The following GAST variants were observed in gnomAD, a reference collection of about 807,000 sequenced individuals.
GAST encodes preprogastrin.
Under a neutral mutation model 12.5 loss-of-function variants are expected in GAST, and 9 were observed. That is an observed-to-expected ratio of 0.72 (90% confidence interval 0.43 to 1.25). The LOEUF is 1.25. GAST is among the 50% of genes most tolerant of loss of function. The pLI, the probability that GAST is intolerant of heterozygous loss-of-function variation, is 0.00. For synonymous variants in GAST, 52 were observed against 51.1 expected (o/e 1.02, Z -0.08); for missense variants, 121 against 127.7 (o/e 0.95, Z 0.25).
intron 2 of GAST, 36 bp from the exon 3 acceptor site, chr17:41,715,742 A>G (rs1555585834): frequency 2.5e-6 from 4 of 1,588,460 alleles, no homozygotes; most frequent in Admixed American, 1.8e-5. Flanking sequence ...GAAGGTAGGC[A>G]TCCTTCCCCC....
intron 1 of GAST, among the ~76,000 whole-genome samples, chr17:41,713,414 G>A (rs1207635565): frequency 1.3e-5 from 2 of 152,122 alleles, no homozygotes; most frequent in Admixed American, 6.5e-5. Context: ...TTAATGGCCA[G>A]GCACCGTGGC....
chr17:41,713,167 T>A (rs1251114288), intron 1 of GAST, among the ~76,000 whole-genome samples: 4 of 152,078 alleles, frequency 2.6e-5, no homozygotes, highest in Non-Finnish European at 5.9e-5. Context: ...TCCAACCCCC[T>A]CAGCCTCCCA....
In GAST at chr17:41,715,613, G is replaced by T. The variant is rs782159860; in HGVS notation, c.177G>T (p.Gln59His). 1 of 1,613,686 alleles carries T rather than the reference G, an allele frequency of 6.2e-7. No individual in the cohort carries two copies. Among genetic ancestry groups the T allele is most frequent in the East Asian group, 2.2e-5 (1 of 44,880 alleles). The change falls in exon 2 of 3, where the codon CAG becomes CAT. Residue 59 changes from glutamine (Q) to histidine (H), a missense_variant. Gln to His is a conservative substitution (Grantham distance 24, BLOSUM62 0). Coordinates refer to ENST00000329402, the MANE Select transcript of GAST (RefSeq NM_000805.5). ...QQGPASHHRRQLGPQGPPHLV... is the reference protein window; with the variant it reads ...QQGPASHHRRHLGPQGPPHLV... ...GCCCAGCCTCTCATCATCGAAGGCAGCTGGGACCCCAGGGTCCCCCACACC... is the reference window on the plus strand; with the variant it reads ...GCCCAGCCTCTCATCATCGAAGGCATCTGGGACCCCAGGGTCCCCCACACC...
At chr17:41,713,598 G>A (rs1910906693) in intron 1 of GAST, among the ~76,000 whole-genome samples, 1 of 152,168 alleles carries the variant, frequency 6.6e-6, no homozygotes, top group Admixed American at 6.5e-5. Context: ...TCAGGAGGCT[G>A]AGGTGGGAGG....
intron 1 of GAST, among the ~76,000 whole-genome samples, chr17:41,712,886 C>T (rs538991372): frequency 4.6e-5 from 7 of 152,210 alleles, no homozygotes; most frequent in South Asian, 4.1e-4. Context: ...CCACTAGCCA[C>T]GTGTGCGCTT....
chr17:41,715,803 G>T lies in GAST; in HGVS notation c.237G>T (p.Trp79Cys), dbSNP rs1337237028. 2.5e-6 allele frequency: 4 copies of T among 1,611,588 alleles called. No homozygotes were observed. The highest frequency in any genetic ancestry group is 3.4e-6 in the Non-Finnish European group (4 of 1,179,280). The change falls in exon 3 of 3, where the codon TGG becomes TGT. Residue 79 changes from tryptophan to cysteine, a missense_variant. Physicochemically the swap from Trp to Cys is radical, Grantham distance 215 (BLOSUM62 -2). Coordinates refer to ENST00000329402, the MANE Select transcript of GAST (RefSeq NM_000805.5). ...ACCCGTCCAAGAAGCAGGGACCATG[G>T]CTGGAGGAAGAAGAAGAAGCCTATG... The part of the protein sequence containing the change: ...VADPSKKQGP[W>C]LEEEEEAYGW...
intron 1 of GAST, among the ~76,000 whole-genome samples, chr17:41,714,267 G>A (rs142805597): frequency 1.7e-3 from 258 of 152,164 alleles, no homozygotes; most frequent in Non-Finnish European, 3.1e-3. Flanking sequence ...CCACCTCCCC[G>A]GTTCAAGCGA....
At chr17:41,712,883 C>A (rs74347421) in intron 1 of GAST, among the ~76,000 whole-genome samples, 3,659 of 152,184 alleles carry the variant, frequency 0.024, 147 homozygotes, top group African/African-American at 0.083. Context: ...TAGCCACTAG[C>A]CACGTGTGCG....
At chr17:41,714,504 G>C (rs1910924284) in intron 1 of GAST, among the ~76,000 whole-genome samples, 1 of 152,062 alleles carries the variant, frequency 6.6e-6, no homozygotes, top group Admixed American at 6.6e-5. Flanking sequence ...GAGCACAGTG[G>C]CTCACATCTG....
At position 41,715,460 on chromosome 17, in the gene GAST, G is replaced by T. The variant is rs1567773795; in HGVS notation, c.24G>T (p.Val8=). Residue 8 remains valine (V), a synonymous_variant, in exon 2 of 3, where the codon GTG becomes GTT. Coordinates refer to ENST00000329402, the MANE Select transcript of GAST (RefSeq NM_000805.5). ...AGATGCAGCGACTGTGTGTGTATGT[G>T]CTGATCTTTGCACTGGCTCTGGCCG... MQRLCVY[V]LIFALALAAF... 6.2e-7 allele frequency: 1 copy of T among 1,613,908 alleles called. No homozygotes were observed.
At chr17:41,713,874 TTA>T (rs1411986965) in intron 1 of GAST, among the ~76,000 whole-genome samples, 1 of 152,216 alleles carries the variant, frequency 6.6e-6, no homozygotes, top group South Asian at 2.1e-4. Context: ...CATTTGAATT[TTA>T]TGTTTGTTTG....
chr17:41,715,378 G>T, intron 1 of GAST, 54 bp from the exon 2 acceptor site: 1 of 1,399,078 alleles, frequency 7.1e-7, no homozygotes, highest in Non-Finnish European at 1.0e-6. Flanking sequence ...CCCTGCCTCT[G>T]GGCCTCTGTG....
chr17:41,715,720 CT>C, intron 2 of GAST, 57 bp from the exon 3 acceptor site: 1 of 1,597,070 alleles, frequency 6.3e-7, no homozygotes, highest in South Asian at 1.1e-5. Context: ...CTGGCTCTGA[CT>C]TCAGTTCCTG....
At position 41,715,855 on chromosome 17, in the gene GAST, GC is replaced by G; in HGVS notation, c.290del (p.Ala97ValfsTer?). The G allele has an allele frequency of 1.2e-6, 2 of 1,608,524 alleles. No individual in the cohort carries two copies. The highest frequency in any genetic ancestry group is 1.7e-6 in the Non-Finnish European group (2 of 1,178,086). On this transcript the variant is annotated frameshift_variant, in exon 3 of 3. Transcript: ENST00000329402. LOFTEE classifies it high-confidence loss of function. Reference sequence around the variant, plus strand: ...ATGGATGGACTTCGGCCGCCGCAGTGCTGAGGATGAGAACTAACAATCCTAG... The same window carrying G: ...ATGGATGGACTTCGGCCGCCGCAGTGTGAGGATGAGAACTAACAATCCTAG... Reference protein sequence around the residue: ...YGWMDFGRRSAEDEN With the variant: ...YGWMDFGRRSXEDEN
chr17:41,713,869 G>A (rs1910912526), intron 1 of GAST, among the ~76,000 whole-genome samples: 1 of 152,158 alleles, frequency 6.6e-6, no homozygotes, highest in Admixed American at 6.5e-5. Flanking sequence ...ATGAGCATTT[G>A]AATTTTATGT....
intron 1 of GAST, among the ~76,000 whole-genome samples, chr17:41,713,174 C>T (rs1910894194): frequency 6.6e-6 from 1 of 152,110 alleles, no homozygotes; most frequent in Non-Finnish European, 1.5e-5. Flanking sequence ...CCCTCAGCCT[C>T]CCAAAGTGCT....
At chr17:41,714,888 A>G (rs1355435732) in intron 1 of GAST, among the ~76,000 whole-genome samples, 8 of 152,222 alleles carry the variant, frequency 5.3e-5, no homozygotes, top group African/African-American at 1.9e-4. Context: ...TTTCTCCAAT[A>G]GAAGCAGTGG....
At chr17:41,714,320 A>G (rs1910920331) in intron 1 of GAST, among the ~76,000 whole-genome samples, 3 of 152,016 alleles carry the variant, frequency 2.0e-5, no homozygotes, top group African/African-American at 7.2e-5. Context: ...ATACAGGTGC[A>G]TGCCACCATG....
At chr17:41,714,304 C>T (rs1425296895) in intron 1 of GAST, among the ~76,000 whole-genome samples, 1 of 152,138 alleles carries the variant, frequency 6.6e-6, no homozygotes, top group Non-Finnish European at 1.5e-5. Flanking sequence ...TCCCAAGTAG[C>T]TGGGAATACA....
Sources: gnomAD v4.1 joint callset for allele counts (sites outside exome capture counted in the v4.1 genomes callset) on GRCh38, gnomAD v4.1.1 for gene constraint, MANE v1.5 for transcripts, NCBI Gene and HGNC (gene_info 2026-07-23, HGNC 2026-07-21) for gene names.